The following GSE1 variants were observed in gnomAD, a reference collection of about 807,000 sequenced individuals.
GSE1 encodes genetic suppressor element 1.
A neutral mutation model predicts 112.6 loss-of-function variants in GSE1; 32 were observed. The observed-to-expected ratio is 0.28, with a 90% CI of 0.21 to 0.38. The LOEUF (loss-of-function observed/expected upper bound fraction) is 0.38, where lower values mean the gene tolerates loss of function less well. Ranked by LOEUF, GSE1 falls within the 10% of genes least tolerant of loss-of-function variation. GSE1 has a pLI of 1.00. For missense variants in GSE1, 2,348 were observed against 1,699.2 expected (o/e 1.38, Z -6.71); for synonymous variants, 1,115 against 735.6 (o/e 1.52, Z -8.35).
At chr16:85,580,469 C>T (rs535316962) in intron 1 of GSE1, among the ~76,000 whole-genome samples, 7 of 152,174 alleles carry the variant, frequency 4.6e-5, no homozygotes, top group Non-Finnish European at 8.8e-5. Flanking sequence ...TGGGCTCCTT[C>T]CTGCCATTGA....
At chr16:85,485,732 C>T (rs1177880406) in intron 2 of GSE1, among the ~76,000 whole-genome samples, 1 of 152,240 alleles carries the variant, frequency 6.6e-6, no homozygotes, top group Non-Finnish European at 1.5e-5. Flanking sequence ...CGTAATTGTT[C>T]CTGTAATTGG....
chr16:85,485,649 G>C (rs928518713), intron 2 of GSE1, among the ~76,000 whole-genome samples: 2 of 152,246 alleles, frequency 1.3e-5, no homozygotes, highest in Admixed American at 1.3e-4. Context: ...GATTAAAGCC[G>C]TGCGCAGCCC....
At position 85,557,314 on chromosome 16, in the gene GSE1, G is replaced by C. The variant is rs79327401; in HGVS notation, c.37+951G>C. Among the ~76,000 whole-genome samples, 536 of 152,216 alleles carry C rather than the reference G, an allele frequency of 3.5e-3. 3 individuals carry two copies. Among genetic ancestry groups the C allele is most frequent in the African/African-American group, 0.012 (514 of 41,524 alleles). ...AAGGCTGTGCTGCGTGTGACTGCTG[G>C]TTCTAGGAATGAGCTGATTTTATTC... On this transcript the variant is annotated intron_variant, in intron 1 of 2. Transcript: ENST00000635906.
intron 15 of GSE1, 112 bp downstream of exon 15, chr16:85,671,210 T>C: frequency 1.7e-6 from 1 of 600,564 alleles, no homozygotes; most frequent in Non-Finnish European, 3.0e-6. Context: ...GAGATCAAAA[T>C]TTGGCGGATC....
intron 1 of GSE1, among the ~76,000 whole-genome samples, chr16:85,215,994 G>T (rs1232456735): frequency 6.6e-6 from 1 of 152,184 alleles, no homozygotes; most frequent in Admixed American, 6.5e-5. Flanking sequence ...AGACATACTT[G>T]ACACGTGTTC....
intron 2 of GSE1, among the ~76,000 whole-genome samples, chr16:85,475,126 C>T (rs555688146): frequency 6.6e-6 from 1 of 152,348 alleles, no homozygotes; most frequent in East Asian, 1.9e-4. Flanking sequence ...GCAGTCCCTG[C>T]TGGCCCCCTT....
At chr16:85,394,086 G>C (rs949786636) in intron 2 of GSE1, among the ~76,000 whole-genome samples, 1 of 152,144 alleles carries the variant, frequency 6.6e-6, no homozygotes. Context: ...TGCTGGCTCC[G>C]GGTTGTTGAC....
intron 2 of GSE1, among the ~76,000 whole-genome samples, chr16:85,481,493 G>C (rs1190469453): frequency 6.6e-6 from 1 of 152,190 alleles, no homozygotes; most frequent in Non-Finnish European, 1.5e-5. Flanking sequence ...CCAAGGAATT[G>C]AAGTTAGTTC....
chr16:85,314,199 G>A (rs1210262002), intron 1 of GSE1, among the ~76,000 whole-genome samples: 1 of 152,162 alleles, frequency 6.6e-6, no homozygotes, highest in African/African-American at 2.4e-5. Context: ...CCCGGGGAGT[G>A]AGAAGGAAAG....
chr16:85,374,316 AGTGT>A (rs1015450428), intron 2 of GSE1, among the ~76,000 whole-genome samples: 2 of 144,972 alleles, frequency 1.4e-5, no homozygotes, highest in Non-Finnish European at 3.0e-5. Context: ...CTCGGTGTGC[AGTGT>A]GTGTCAGTGT....
chr16:85,413,442 C>T (rs755631595), intron 2 of GSE1, among the ~76,000 whole-genome samples: 2 of 152,002 alleles, frequency 1.3e-5, no homozygotes, highest in East Asian at 1.9e-4. Context: ...CCTGCTCTCC[C>T]GGGTGACCGT....
chr16:85,478,927 C>CTTTCCTTTCTTTCTTTCTT (rs1285190496), intron 2 of GSE1, among the ~76,000 whole-genome samples: 1 of 28,046 alleles, frequency 3.6e-5, no homozygotes, highest in African/African-American at 1.5e-4. Flanking sequence ...TTCTTTCTTT[C>CTTTCCTTTCTTTCTTTCTT]TCTTTCTTTC....
chr16:85,640,905 G>A (rs2050391207), intron 2 of GSE1, among the ~76,000 whole-genome samples: 1 of 151,908 alleles, frequency 6.6e-6, no homozygotes, highest in South Asian at 2.1e-4. Flanking sequence ...TGGCCCGGGG[G>A]CCAGAGGGCT....
chr16:85,664,671 T>G (rs1598682362), intron 11 of GSE1: 1 of 206,070 alleles, frequency 4.9e-6, no homozygotes, highest in Non-Finnish European at 9.9e-6. Flanking sequence ...GTCTTTGGGG[T>G]GTTTCTTTGT....
chr16:85,652,941 G>A (rs950734516), intron 3 of GSE1, among the ~76,000 whole-genome samples: 2 of 151,830 alleles, frequency 1.3e-5, no homozygotes, highest in Non-Finnish European at 2.9e-5. Flanking sequence ...TACCTGACAT[G>A]GCCAGATGGA....
chr16:85,666,055 C>T lies in GSE1; in HGVS notation c.2838C>T (p.Ala946=), dbSNP rs773990778. The change falls in exon 13 of 16, where the codon GCC becomes GCT. Residue 946 remains alanine (A), a synonymous_variant. Transcript: ENST00000253458. ...VAASLSDIPK[A]AEPGKLEQVR... ...CTTCCTTGTCTGACATCCCAAAGGCCGCGGAGCCTGGGAAGCTGGAACAGG... is the reference window on the plus strand; with the variant it reads ...CTTCCTTGTCTGACATCCCAAAGGCTGCGGAGCCTGGGAAGCTGGAACAGG... The T allele has an allele frequency of 1.7e-5, 28 of 1,613,454 alleles. No homozygotes were observed. The highest frequency in any genetic ancestry group is 3.3e-5 in the Admixed American group (2 of 60,004).
At chr16:85,596,270 G>A (rs1403823742) in intron 1 of GSE1, among the ~76,000 whole-genome samples, 1 of 152,132 alleles carries the variant, frequency 6.6e-6, no homozygotes, top group Non-Finnish European at 1.5e-5. Context: ...GCCCACCTTA[G>A]CTGCAGAACG....
chr16:85,177,676 A>G (rs1222067158), intron 1 of GSE1, among the ~76,000 whole-genome samples: 5 of 152,226 alleles, frequency 3.3e-5, no homozygotes, highest in African/African-American at 1.2e-4. Context: ...ACGTCTTGTG[A>G]TTTATTGGCA....
intron 1 of GSE1, among the ~76,000 whole-genome samples, chr16:85,618,368 G>A (rs2048513334): frequency 1.3e-5 from 2 of 152,176 alleles, no homozygotes; most frequent in African/African-American, 2.4e-5. Context: ...TGCCCCTGAC[G>A]GGTAAATGAC....
Sources: allele counts gnomAD v4.1 joint callset (sites outside exome capture counted in the v4.1 genomes callset), GRCh38; gene constraint gnomAD v4.1.1; transcripts MANE v1.5; gene names NCBI Gene and HGNC (gene_info 2026-07-23, HGNC 2026-07-21).